Variants in HK1 observed in about 807,000 individuals in gnomAD.
HK1 encodes hexokinase-1.
In HK1, 28 loss-of-function variants were observed where a neutral mutation model predicts 91.6. That is an observed-to-expected ratio of 0.31 (90% CI 0.23 to 0.42). The LOEUF is 0.42. Ranked by LOEUF, HK1 falls within the 10% of genes least tolerant of loss-of-function variation. The pLI, the probability that HK1 is intolerant of heterozygous loss-of-function variation, is 1.00. For missense variants in HK1, 770 were observed against 1,219.8 expected (o/e 0.63, Z 5.49); for synonymous variants, 430 against 468.1 (o/e 0.92, Z 1.05).
At chr10:69,361,404 C>T (rs74473327) in intron 3 of HK1, among the ~76,000 whole-genome samples, 7,286 of 152,302 alleles carry the variant, frequency 0.048, 586 homozygotes, top group African/African-American at 0.17. Flanking sequence ...ATTGCTTCTC[C>T]TTGCAGGTGG....
intron 4 of HK1, chr10:69,295,741 TGGCAATCCCCTTTG>T: frequency 9.5e-7 from 1 of 1,054,182 alleles, no homozygotes; most frequent in Non-Finnish European, 1.5e-6. Context: ...AGATAGTGCG[TGGCAATCCCCTTTG>T]GGATAATGAT....
upstream of HK1, among the ~76,000 whole-genome samples, chr10:69,314,170 G>A (rs141291361): frequency 1.3e-5 from 2 of 152,334 alleles, no homozygotes; most frequent in East Asian, 3.9e-4. Context: ...AACAGAAGCT[G>A]CTAAAAGGAT....
chr10:69,312,713 T>C (rs1846432793), upstream of HK1, among the ~76,000 whole-genome samples: 1 of 152,198 alleles, frequency 6.6e-6, no homozygotes, highest in Non-Finnish European at 1.5e-5. Flanking sequence ...TTTATCCCTC[T>C]AGGGGTGGTG....
chr10:69,288,533 T>C (rs1845134920), intron 2 of HK1: 4 of 628,582 alleles, frequency 6.4e-6, no homozygotes, highest in Non-Finnish European at 1.1e-5. Context: ...TTTACCTGGG[T>C]TTACGAATAC....
intron 8 of HK1, among the ~76,000 whole-genome samples, chr10:69,377,356 C>A (rs1200806120): frequency 6.6e-6 from 1 of 151,898 alleles, no homozygotes; most frequent in African/African-American, 2.4e-5. Flanking sequence ...CCTCTCCCAC[C>A]CCCATCAGCC....
At chr10:69,298,633 GAA>G (rs35104096) in intron 4 of HK1, among the ~76,000 whole-genome samples, 1 of 150,032 alleles carries the variant, frequency 6.7e-6, no homozygotes, top group Non-Finnish European at 1.5e-5. Context: ...CTCTTAAAAG[GAA>G]AAAAAAAAGT....
chr10:69,270,144 T>C (rs1427094078), intron 1 of HK1: 1 of 152,214 alleles, frequency 6.6e-6, no homozygotes, highest in Non-Finnish European at 1.5e-5. Context: ...AAGACTATTT[T>C]TCTCTCTCTT....
chr10:69,385,405 C>T (rs901279696), intron 12 of HK1, among the ~76,000 whole-genome samples: 2 of 152,210 alleles, frequency 1.3e-5, no homozygotes, highest in African/African-American at 4.8e-5. Context: ...TGGCTGGGCT[C>T]AGAGCTGAAG....
chr10:69,347,867 C>T (rs11595647), intron 2 of HK1, among the ~76,000 whole-genome samples: 16,645 of 152,114 alleles, frequency 0.11, 1,552 homozygotes, highest in African/African-American at 0.25. Context: ...GGTCTTTATG[C>T]AGATAGGAGA....
At chr10:69,335,202 G>A (rs928921149) in intron 1 of HK1, among the ~76,000 whole-genome samples, 2 of 152,206 alleles carry the variant, frequency 1.3e-5, no homozygotes, top group African/African-American at 4.8e-5. Flanking sequence ...AGCCGCAGAA[G>A]CCATGTGCAG....
At chr10:69,390,057 GGATCAGTTGCT>G (rs111473680) in intron 14 of HK1, among the ~76,000 whole-genome samples, 1 of 152,198 alleles carries the variant, frequency 6.6e-6, no homozygotes, top group African/African-American at 2.4e-5. Flanking sequence ...CCCTGCTACT[GGATCAGTTGCT>G]GAGTGTCTAG....
chr10:69,348,614 C>T (rs11816511), intron 2 of HK1, among the ~76,000 whole-genome samples: 19,875 of 152,098 alleles, frequency 0.13, 1,483 homozygotes, highest in South Asian at 0.27. Context: ...AGTTGGAGAC[C>T]GGCCTAGCCA....
intron 13 of HK1, among the ~76,000 whole-genome samples, chr10:69,387,874 A>T (rs201978229): frequency 2.1e-5 from 3 of 145,700 alleles, no homozygotes; most frequent in Admixed American, 1.3e-4. Context: ...ACTGTTTTAA[A>T]TTTTTTTTTT....
At position 69,386,652 on chromosome 10, in the gene HK1, C is replaced by T. The variant is rs554654239; in HGVS notation, c.1935+234C>T. The T allele has an allele frequency of 3.1e-5, 12 of 390,496 alleles. No homozygotes were observed. In the East Asian group the frequency reaches 3.1e-4, roughly 10 times the overall value. The allele number at this position is 390,496 out of a possible 1,614,324, so 24.2% of individuals were successfully genotyped here. The stretch of plus-strand genomic sequence containing the variant: ...CACAAATTAGCCAGGCGTGGTGGTG[C>T]GCACCTGTAGTCCCAGCTACTCGGG... On this transcript the variant is annotated intron_variant, in intron 13 of 17. Transcript: ENST00000359426.
chr10:69,323,138 C>T (rs1452920637), intron 1 of HK1, among the ~76,000 whole-genome samples: 2 of 148,450 alleles, frequency 1.3e-5, no homozygotes, highest in African/African-American at 2.5e-5. Flanking sequence ...CCCAGCTACT[C>T]GGGAGGCTGA....
upstream of HK1, among the ~76,000 whole-genome samples, chr10:69,312,785 A>T (rs75190212): frequency 6.6e-6 from 1 of 152,114 alleles, no homozygotes; most frequent in South Asian, 2.1e-4. Flanking sequence ...AAGGGAAAAA[A>T]TTGTTCCCCC....
At chr10:69,295,186 G>A (rs1845497746) in intron 3 of HK1, among the ~76,000 whole-genome samples, 1 of 152,210 alleles carries the variant, frequency 6.6e-6, no homozygotes, top group Non-Finnish European at 1.5e-5. Context: ...TCTTCAGGGT[G>A]GGAGACACAG....
At chr10:69,302,725 C>G (rs2132505754) in intron 5 of HK1, among the ~76,000 whole-genome samples, 1 of 145,136 alleles carries the variant, frequency 6.9e-6, no homozygotes, top group Middle Eastern at 3.5e-3. Context: ...CACTGCACTC[C>G]AGCCTGGGCA....
At chr10:69,280,452 C>T (rs1049812014) in intron 1 of HK1, among the ~76,000 whole-genome samples, 1 of 152,182 alleles carries the variant, frequency 6.6e-6, no homozygotes, top group Non-Finnish European at 1.5e-5. Context: ...GTAGCACCTA[C>T]CTGGATCTTG....
Sources: allele counts gnomAD v4.1 joint callset (sites outside exome capture counted in the v4.1 genomes callset), GRCh38; gene constraint gnomAD v4.1.1; transcripts MANE v1.5; gene names NCBI Gene and HGNC (gene_info 2026-07-23, HGNC 2026-07-21).